VGLL4: variants seen among roughly 807,000 people sequenced by gnomAD.
The protein encoded by VGLL4 is transcription cofactor vestigial-like protein 4.
VGLL4 carries 7 observed loss-of-function variants against 21.0 expected under a neutral mutation model. That is an observed-to-expected ratio of 0.33 (90% CI 0.19 to 0.63). VGLL4 has a LOEUF of 0.63. VGLL4 is among the 20% of genes least tolerant of loss of function. VGLL4 has a pLI of 0.78. For synonymous variants in VGLL4, 222 were observed against 173.2 expected (o/e 1.28, Z -2.21); for missense variants, 394 against 425.7 (o/e 0.93, Z 0.66).
chr3:11,647,358 C>T (rs1014463791), upstream of VGLL4, among the ~76,000 whole-genome samples: 7 of 152,082 alleles, frequency 4.6e-5, no homozygotes, highest in African/African-American at 1.7e-4. Context: ...GTCAGAAAGC[C>T]CCTCTTGTCC....
At chr3:11,571,663 T>C (rs1270327500) in intron 2 of VGLL4, among the ~76,000 whole-genome samples, 1 of 152,130 alleles carries the variant, frequency 6.6e-6, no homozygotes, top group East Asian at 1.9e-4. Flanking sequence ...TAAGACCCTG[T>C]CTCAGGAAAT....
chr3:11,658,420 G>C (rs1324674469), intron 2 of VGLL4, among the ~76,000 whole-genome samples: 1 of 151,884 alleles, frequency 6.6e-6, no homozygotes, highest in South Asian at 2.1e-4. Flanking sequence ...CAAAGGAAAG[G>C]TACACCAACA....
intron 2 of VGLL4, among the ~76,000 whole-genome samples, chr3:11,592,321 C>G (rs773419414): frequency 6.6e-6 from 1 of 152,200 alleles, no homozygotes; most frequent in Non-Finnish European, 1.5e-5. Context: ...GCTTCCCAAG[C>G]GTAAAGAAAA....
chr3:11,575,361 A>G (rs2074007075), intron 2 of VGLL4, among the ~76,000 whole-genome samples: 1 of 152,210 alleles, frequency 6.6e-6, no homozygotes, highest in South Asian at 2.1e-4. Flanking sequence ...CAGTCATTAA[A>G]TCAGCATAGC....
intron 2 of VGLL4, among the ~76,000 whole-genome samples, chr3:11,683,102 C>A (rs1484492148): frequency 2.0e-5 from 3 of 152,124 alleles, no homozygotes; most frequent in Admixed American, 6.5e-5. Context: ...TGGTGGGCAC[C>A]TGTAATCCCA....
At chr3:11,592,522 T>C (rs549912098) in intron 2 of VGLL4, among the ~76,000 whole-genome samples, 2 of 151,810 alleles carry the variant, frequency 1.3e-5, no homozygotes, top group Admixed American at 1.3e-4. Context: ...CTCCTTTGTG[T>C]GTGCTAAAAT....
chr3:11,564,719 C>T, intron 3 of VGLL4, 78 bp downstream of exon 3: 1 of 1,502,668 alleles, frequency 6.7e-7, no homozygotes, highest in South Asian at 1.2e-5. Flanking sequence ...CCTCGGAGTC[C>T]TCTGCTCGGG....
intron 1 of VGLL4, among the ~76,000 whole-genome samples, chr3:11,714,840 A>G (rs7625728): frequency 0.048 from 7,373 of 152,268 alleles, 587 homozygotes; most frequent in African/African-American, 0.17. Flanking sequence ...TCCCAAGAAT[A>G]AAAGATGAAT....
intron 2 of VGLL4, among the ~76,000 whole-genome samples, chr3:11,588,003 C>T (rs9866470): frequency 6.6e-6 from 1 of 151,900 alleles, no homozygotes; most frequent in African/African-American, 2.4e-5. Context: ...AGAGCGGTGG[C>T]GCTCTGTTCT....
chr3:11,597,696 T>C (rs1043424081), intron 2 of VGLL4, among the ~76,000 whole-genome samples: 7 of 152,160 alleles, frequency 4.6e-5, no homozygotes, highest in Non-Finnish European at 8.8e-5. Flanking sequence ...CCCTGCTATA[T>C]AAACCCCAGC....
At chr3:11,683,370 A>G (rs1227950916) in intron 2 of VGLL4, among the ~76,000 whole-genome samples, 1 of 152,212 alleles carries the variant, frequency 6.6e-6, no homozygotes, top group Non-Finnish European at 1.5e-5. Context: ...GGAAAGCAGT[A>G]TAGAGATTTC....
At chr3:11,631,666 T>A (rs1373886879) in intron 1 of VGLL4, among the ~76,000 whole-genome samples, 1 of 152,208 alleles carries the variant, frequency 6.6e-6, no homozygotes, top group Non-Finnish European at 1.5e-5. Context: ...ACTCTCCTCT[T>A]GTATGTATGA....
At chr3:11,629,735 G>A (rs1178761227) in intron 1 of VGLL4, among the ~76,000 whole-genome samples, 7 of 133,516 alleles carry the variant, frequency 5.2e-5, no homozygotes, top group Non-Finnish European at 7.8e-5. Flanking sequence ...GCTACAGAGC[G>A]AGACGGGTCT....
rs1162443352 is a variant in VGLL4 at position 11,643,840 on chromosome 3, C to A, written c.-322G>T. On this transcript the variant is annotated 5_prime_UTR_variant, in exon 1 of 5. Coordinates refer to ENST00000430365, the MANE Select transcript of VGLL4 (RefSeq NM_001128219.3). ...AAGAGTGAAAAAGAGAAACGCGCAG[C>A]CCGTTTCCTAGGACAAAGCGGCGCC... The A allele has an allele frequency of 1.9e-6, 2 of 1,062,568 alleles. No homozygotes were observed. The highest frequency in any genetic ancestry group is 5.2e-5 in the Admixed American group (1 of 19,380). The allele number at this position is 1,062,568 out of a possible 1,614,324, so 65.8% of individuals were successfully genotyped here. A position where few individuals can be genotyped will look rare whatever the true frequency, so the allele number is the denominator to read the frequency against.
rs2072616587 is a variant in VGLL4, at chr3:11,558,210, C to CAATTCATCATGGCTT, written c.*331_*345dup. 1 of 354,648 alleles carries CAATTCATCATGGCTT rather than the reference C, an allele frequency of 2.8e-6. No individual in the cohort carries two copies. The highest frequency in any genetic ancestry group is 5.1e-6 in the Non-Finnish European group (1 of 194,516). 22.0% of individuals were successfully genotyped at this position (354,648 alleles called of 1,614,324 possible). On this transcript the variant is annotated 3_prime_UTR_variant, in exon 5 of 5. Coordinates refer to ENST00000430365, the MANE Select transcript of VGLL4 (RefSeq NM_001128219.3). ...AAAAAGCACAAAGCGTCTGAGTCACCAATTCATCATGGCTTGTGACTGAGA... is the reference window on the plus strand; with the variant it reads ...AAAAAGCACAAAGCGTCTGAGTCACCAATTCATCATGGCTTAATTCATCATGGCTTGTGACTGAGA...
intron 2 of VGLL4, among the ~76,000 whole-genome samples, chr3:11,599,525 CTT>C (rs11297495): frequency 3.3e-4 from 20 of 60,454 alleles, no homozygotes; most frequent in East Asian, 1.8e-3. Context: ...AAATTATTTT[CTT>C]TTTTTTTTTT....
At chr3:11,656,950 G>A (rs576998211) in intron 2 of VGLL4, among the ~76,000 whole-genome samples, 3 of 152,152 alleles carry the variant, frequency 2.0e-5, no homozygotes, top group African/African-American at 4.8e-5. Context: ...TCCTAAGAGC[G>A]TCTGCAGGGA....
chr3:11,582,698 G>A (rs1559878587), intron 2 of VGLL4, among the ~76,000 whole-genome samples: 1 of 152,202 alleles, frequency 6.6e-6, no homozygotes, highest in Non-Finnish European at 1.5e-5. Context: ...AAACACAGGA[G>A]AGGAAGGTTG....
chr3:11,582,943 A>G (rs1575414198), intron 2 of VGLL4, among the ~76,000 whole-genome samples: 1 of 152,310 alleles, frequency 6.6e-6, no homozygotes, highest in East Asian at 1.9e-4. Flanking sequence ...GACTCCAGGC[A>G]CTGGAGAAGC....
Sources: allele counts gnomAD v4.1 joint callset (sites outside exome capture counted in the v4.1 genomes callset), GRCh38; gene constraint gnomAD v4.1.1; transcripts MANE v1.5; gene names NCBI Gene and HGNC (gene_info 2026-07-23, HGNC 2026-07-21).